DHRSX: variants seen among roughly 807,000 people sequenced by gnomAD.
The protein encoded by DHRSX is dehydrogenase/reductase X-linked, also known as polyprenol dehydrogenase.
DHRSX carries 31 observed loss-of-function variants against 34.0 expected under a neutral mutation model. That is an observed-to-expected ratio of 0.91 (90% CI 0.69 to 1.23). The LOEUF (loss-of-function observed/expected upper bound fraction) is 1.23. Among genes scored for constraint, DHRSX ranks in the 50% most tolerant of loss-of-function variants. The pLI, the probability that DHRSX is intolerant of heterozygous loss-of-function variation, is 0.00. For synonymous variants in DHRSX, 201 were observed against 183.8 expected, an observed-to-expected ratio of 1.09 and a Z score of -0.76; for missense variants, 414 against 428.1, an observed-to-expected ratio of 0.97 and a Z score of 0.29.
Position 2,374,536 on chromosome X carries a change from C to T in DHRSX, c.286+34209G>A, listed in dbSNP as rs867458511. Reference sequence around the variant, plus strand: ...GGCAAATCACCTGAGGTCGGGAGTTCGAGGCCAGCCTGACCAACATGGAGA... The same window carrying T: ...GGCAAATCACCTGAGGTCGGGAGTTTGAGGCCAGCCTGACCAACATGGAGA... On this transcript the variant is annotated intron_variant, in intron 3 of 6. Transcript: ENST00000334651. Among the ~76,000 whole-genome samples, 6 of 93,290 alleles carry T rather than the reference C, an allele frequency of 6.4e-5. 1 individual carries two copies. The highest frequency in any genetic ancestry group is 4.1e-4 in the Admixed American group (4 of 9,654). 61.2% of individuals were successfully genotyped at this position (93,290 alleles called of 152,430 possible).
rs765887371 is a variant in DHRSX, at chrX:2,372,835, C to T, written c.286+35910G>A. On this transcript the variant is annotated intron_variant, in intron 3 of 6. Coordinates refer to ENST00000334651, the MANE Select transcript of DHRSX (RefSeq NM_145177.3). ...TCATGTTGGCGAGGCTGGTCTCGAA[C>T]CCCTAACCTCAGGTGATCCGCCGGT... is the stretch of plus-strand genomic sequence containing the variant. Among the ~76,000 whole-genome samples, 74 of 152,126 alleles carry T rather than the reference C, an allele frequency of 4.9e-4. No individual in the cohort carries two copies. In the East Asian group the frequency reaches 0.013, roughly 27 times the overall value.
intron 1 of DHRSX, among the ~76,000 whole-genome samples, chrX:2,484,665 T>C (rs1172350807): frequency 6.6e-6 from 1 of 152,106 alleles, no homozygotes; most frequent in Non-Finnish European, 1.5e-5. Flanking sequence ...GTTCATTTTA[T>C]AAAACTCTCA....
At chrX:2,472,768 C>A (rs974862077) in intron 1 of DHRSX, among the ~76,000 whole-genome samples, 1 of 152,050 alleles carries the variant, frequency 6.6e-6, no homozygotes, top group Non-Finnish European at 1.5e-5. Flanking sequence ...CAAATCATCT[C>A]AAAAATAAAT....
chrX:2,317,119 G>A (rs1318915858), intron 3 of DHRSX, among the ~76,000 whole-genome samples: 2 of 151,598 alleles, frequency 1.3e-5, no homozygotes, highest in Non-Finnish European at 2.9e-5. Context: ...CACCACGCCC[G>A]GCTAATTTTT....
intron 5 of DHRSX, among the ~76,000 whole-genome samples, chrX:2,250,598 G>T (rs775084883): frequency 6.6e-6 from 1 of 151,976 alleles, no homozygotes; most frequent in Non-Finnish European, 1.5e-5. Context: ...TAGAATTAGC[G>T]TATCATGACC....
chrX:2,378,873 T>C (rs2043172486), intron 3 of DHRSX, among the ~76,000 whole-genome samples: 1 of 152,108 alleles, frequency 6.6e-6, no homozygotes, highest in Admixed American at 6.5e-5. Context: ...GGTAGCCCCA[T>C]GATGGTCAGG....
chrX:2,283,577 G>A (rs895391119), intron 4 of DHRSX, among the ~76,000 whole-genome samples: 12 of 151,760 alleles, frequency 7.9e-5, no homozygotes, highest in African/African-American at 2.4e-4. Context: ...TCAGGTGTCC[G>A]TCCACCAAAA....
intron 2 of DHRSX, among the ~76,000 whole-genome samples, chrX:2,416,305 C>A (rs772169327): frequency 6.6e-6 from 1 of 152,184 alleles, no homozygotes; most frequent in African/African-American, 2.4e-5. Flanking sequence ...CCCAAGTAGA[C>A]TTCATCATAA....
intron 1 of DHRSX, among the ~76,000 whole-genome samples, chrX:2,433,587 A>T (rs2043955030): frequency 6.6e-6 from 1 of 151,724 alleles, no homozygotes; most frequent in Non-Finnish European, 1.5e-5. Context: ...CTGGTGTGTG[A>T]TGTCCCCCTC....
chrX:2,438,649 C>CA (rs2044026154), intron 1 of DHRSX, among the ~76,000 whole-genome samples: 2 of 138,624 alleles, frequency 1.4e-5, no homozygotes, highest in African/African-American at 5.4e-5. Flanking sequence ...GCCTGGGGGA[C>CA]AGAGCAAGAC....
rs551826856 is a variant in DHRSX, at chrX:2,335,731, C to T, written c.287-44128G>A. Among the ~76,000 whole-genome samples, 9 of 152,124 alleles carry T rather than the reference C, an allele frequency of 5.9e-5. No individual in the cohort carries two copies. The East Asian group carries it at 7.7e-4, about 13-fold the overall frequency. Reference sequence around the variant, plus strand: ...CCTCCCAAAGTGCTGGGATTACAGGCGTGAGCCACCGCACCTGGCCAGGAG... The same window carrying T: ...CCTCCCAAAGTGCTGGGATTACAGGTGTGAGCCACCGCACCTGGCCAGGAG... On this transcript the variant is annotated intron_variant, in intron 3 of 6. Transcript: ENST00000334651.
At chrX:2,378,623 C>T (rs1242995840) in intron 3 of DHRSX, among the ~76,000 whole-genome samples, 4 of 151,862 alleles carry the variant, frequency 2.6e-5, no homozygotes, top group Admixed American at 1.3e-4. Context: ...CTCTAGGTTA[C>T]TTCATTGTAA....
At chrX:2,438,638 A>G (rs2044025823) in intron 1 of DHRSX, among the ~76,000 whole-genome samples, 3 of 150,194 alleles carry the variant, frequency 2.0e-5, no homozygotes, top group Admixed American at 6.7e-5. Context: ...ACTGCACTCC[A>G]GCCTGGGGGA....
intron 2 of DHRSX, 99 bp downstream of exon 2, chrX:2,425,098 C>G: frequency 1.1e-6 from 1 of 881,988 alleles, no homozygotes; most frequent in South Asian, 1.5e-5. Flanking sequence ...CAAGATTGCA[C>G]CACTGCAGTC....
At chrX:2,347,276 C>G (rs2042731450) in intron 3 of DHRSX, among the ~76,000 whole-genome samples, 1 of 152,178 alleles carries the variant, frequency 6.6e-6, no homozygotes, top group African/African-American at 2.4e-5. Flanking sequence ...AGGAAACTCC[C>G]CTTTATAATA....
chrX:2,298,622 A>ACGCGCG (rs2041970625), intron 3 of DHRSX, among the ~76,000 whole-genome samples: 1 of 147,994 alleles, frequency 6.8e-6, no homozygotes, highest in African/African-American at 2.6e-5. Context: ...ACACACACAC[A>ACGCGCG]CACACACACA....
intron 3 of DHRSX, among the ~76,000 whole-genome samples, chrX:2,347,519 GC>G (rs1241270019): frequency 6.6e-6 from 1 of 152,172 alleles, no homozygotes; most frequent in African/African-American, 2.4e-5. Flanking sequence ...TTTGGCAAAA[GC>G]CCGTCTCTAG....
intron 3 of DHRSX, among the ~76,000 whole-genome samples, chrX:2,345,624 C>T (rs1466011059): frequency 2.0e-5 from 3 of 147,694 alleles, no homozygotes; most frequent in African/African-American, 5.1e-5. Context: ...CATCGTACCC[C>T]AGCCTGGGCA....
chrX:2,419,669 G>T (rs1054059567), intron 2 of DHRSX, among the ~76,000 whole-genome samples: 7 of 151,956 alleles, frequency 4.6e-5, no homozygotes, highest in African/African-American at 1.4e-4. Flanking sequence ...TCCTTCGTAG[G>T]GACATGGATG....
Sources: allele counts gnomAD v4.1 joint callset (sites outside exome capture counted in the v4.1 genomes callset), GRCh38; gene constraint gnomAD v4.1.1; transcripts MANE v1.5; gene names NCBI Gene and HGNC (gene_info 2026-07-23, HGNC 2026-07-21).